Variants in LIMD1 observed in about 807,000 individuals in gnomAD.
LIMD1 encodes LIM domain containing 1, also known as LIM domain-containing protein 1.
In LIMD1, 23 loss-of-function variants were observed where a neutral mutation model predicts 58.4. That is an observed-to-expected ratio of 0.39 (90% CI 0.28 to 0.56). The LOEUF (loss-of-function observed/expected upper bound fraction) is 0.56, where lower values mean the gene tolerates loss of function less well. Ranked by LOEUF, LIMD1 falls within the 20% of genes least tolerant of loss-of-function variation. LIMD1 has a pLI of 0.57. For synonymous variants in LIMD1, 334 were observed against 345.5 expected (o/e 0.97, Z 0.37); for missense variants, 838 against 855.5 (o/e 0.98, Z 0.25).
intron 2 of LIMD1, among the ~76,000 whole-genome samples, chr3:45,658,535 C>CT (rs10572210): frequency 0.11 from 4,843 of 44,770 alleles, 1,319 homozygotes; most frequent in Non-Finnish European, 0.17. Context: ...CATGCAGATT[C>CT]TTTTTTTTTT....
intron 2 of LIMD1, among the ~76,000 whole-genome samples, chr3:45,644,617 G>A (rs1202934780): frequency 6.6e-6 from 1 of 152,208 alleles, no homozygotes; most frequent in Non-Finnish European, 1.5e-5. Context: ...GGCTTGGAGA[G>A]TTTAGTTTGT....
At chr3:45,673,549 TGAATA>T in intron 6 of LIMD1, 44 bp downstream of exon 6, 1 of 1,420,078 alleles carries the variant, frequency 7.0e-7, no homozygotes, top group Non-Finnish European at 1.0e-6. Context: ...TTCTAAGACA[TGAATA>T]TCTCCCTGGG....
intron 2 of LIMD1, among the ~76,000 whole-genome samples, chr3:45,657,284 A>G (rs1697349568): frequency 6.6e-6 from 1 of 152,170 alleles, no homozygotes; most frequent in South Asian, 2.1e-4. Context: ...CATCACAAGG[A>G]GTTTTTACGG....
chr3:45,627,626 T>G (rs1320991979), intron 1 of LIMD1, among the ~76,000 whole-genome samples: 1 of 151,126 alleles, frequency 6.6e-6, no homozygotes, highest in Non-Finnish European at 1.5e-5. Context: ...ACCCGTCTCT[T>G]TTTTATAAAA....
intron 4 of LIMD1, among the ~76,000 whole-genome samples, chr3:45,670,879 C>G (rs187566575): frequency 7.2e-5 from 11 of 152,290 alleles, no homozygotes; most frequent in African/African-American, 2.6e-4. Context: ...TGTAAATTGT[C>G]TCTCTATATA....
intron 2 of LIMD1, among the ~76,000 whole-genome samples, chr3:45,643,584 C>T (rs1701870034): frequency 6.6e-6 from 1 of 152,164 alleles, no homozygotes; most frequent in South Asian, 2.1e-4. Flanking sequence ...GTTCATTTCA[C>T]AGACTAAACA....
chr3:45,673,241 A>T (rs991228612), intron 5 of LIMD1, among the ~76,000 whole-genome samples: 2 of 152,080 alleles, frequency 1.3e-5, no homozygotes, highest in Non-Finnish European at 2.9e-5. Context: ...TCCCCAGAAG[A>T]GTGAGAGGCA....
chr3:45,604,950 G>C (rs775846877), intron 1 of LIMD1, among the ~76,000 whole-genome samples: 4 of 152,224 alleles, frequency 2.6e-5, no homozygotes, highest in Non-Finnish European at 4.4e-5. Flanking sequence ...ATTTTGACAT[G>C]ATCATTCTTG....
At chr3:45,676,114 C>T (rs900818840) in intron 7 of LIMD1, among the ~76,000 whole-genome samples, 6 of 151,998 alleles carry the variant, frequency 3.9e-5, no homozygotes, top group Admixed American at 2.6e-4. Flanking sequence ...TGTGTTGGCG[C>T]GTGCATAATC....
chr3:45,678,907 A>G lies in LIMD1; in HGVS notation c.*1848A>G, dbSNP rs1575370881. On this transcript the variant is annotated 3_prime_UTR_variant, in exon 8 of 8. Coordinates refer to ENST00000273317, the MANE Select transcript of LIMD1 (RefSeq NM_014240.3). ...CACTTCAGCCAGGGTGTGCATCATC[A>G]TTGGTTCTTTTTCACAGGCTGAGCC... The G allele has an allele frequency of 6.6e-6, 1 of 152,208 alleles. No homozygotes were observed. Among genetic ancestry groups the G allele is most frequent in the East Asian group, 1.9e-4 (1 of 5,196 alleles). 9.4% of individuals were successfully genotyped at this position (152,208 alleles called of 1,614,324 possible).
intron 2 of LIMD1, among the ~76,000 whole-genome samples, chr3:45,639,393 T>C (rs1033140928): frequency 2.6e-5 from 4 of 152,224 alleles, no homozygotes; most frequent in African/African-American, 9.7e-5. Flanking sequence ...TTAGTCTGTT[T>C]GGACTGTTAT....
chr3:45,624,586 G>A (rs924954733), intron 1 of LIMD1, among the ~76,000 whole-genome samples: 13 of 152,178 alleles, frequency 8.5e-5, no homozygotes, highest in Admixed American at 7.9e-4. Context: ...AGCCGGGTGT[G>A]GTGGCGGGCG....
At position 45,661,017 on chromosome 3, in the gene LIMD1, C is replaced by G. The variant is rs911066748; in HGVS notation, c.1511-4633C>G. ...TAGCAGAGTCAGAAAATACTGCGAA[C>G]GTTCAAGGATGGGGACCTTCTAGAA... is the stretch of plus-strand genomic sequence containing the variant. On this transcript the variant is annotated intron_variant, in intron 2 of 7. Coordinates refer to ENST00000273317, the MANE Select transcript of LIMD1 (RefSeq NM_014240.3). Among the ~76,000 whole-genome samples, 5 of 152,130 alleles carry G rather than the reference C, an allele frequency of 3.3e-5. 1 individual carries two copies. The South Asian group carries it at 6.2e-4, about 19-fold the overall frequency.
intron 2 of LIMD1, among the ~76,000 whole-genome samples, chr3:45,649,565 C>T (rs1701942673): frequency 6.6e-6 from 1 of 150,430 alleles, no homozygotes; most frequent in Admixed American, 6.6e-5. Context: ...CCTGTAGTCC[C>T]AGCTACTGGC....
intron 1 of LIMD1, among the ~76,000 whole-genome samples, chr3:45,604,912 C>T (rs1403244126): frequency 6.6e-6 from 1 of 152,190 alleles, no homozygotes; most frequent in Non-Finnish European, 1.5e-5. Flanking sequence ...CTGCTCTTTC[C>T]ATTAACAGTC....
At chr3:45,601,862 T>C (rs1294908690) in intron 1 of LIMD1, among the ~76,000 whole-genome samples, 1 of 152,034 alleles carries the variant, frequency 6.6e-6, no homozygotes, top group East Asian at 1.9e-4. Context: ...CCAGATTCAT[T>C]CTCCACCCAC....
intron 2 of LIMD1, 24 bp downstream of exon 2, chr3:45,636,275 G>C (rs748839147): frequency 4.6e-6 from 7 of 1,522,076 alleles, no homozygotes; most frequent in Middle Eastern, 1.7e-4. Context: ...TGGGTGTCGG[G>C]TGTGTGGGGG....
chr3:45,648,516 G>C (rs1404874913), intron 2 of LIMD1, among the ~76,000 whole-genome samples: 1 of 152,004 alleles, frequency 6.6e-6, no homozygotes, highest in Non-Finnish European at 1.5e-5. Context: ...TTTATTTTTG[G>C]CTATTATAAA....
chr3:45,680,546 G>C lies in LIMD1; in HGVS notation c.*3487G>C. On this transcript the variant is annotated 3_prime_UTR_variant, in exon 8 of 8. Transcript: ENST00000273317. ...GCCCAGGATGGTCTGGAACTCCTGG[G>C]CTCAAGTGATCTGCCCACTTCCGCC... The C allele has an allele frequency of 6.6e-6, 1 of 152,234 alleles. No individual in the cohort carries two copies. Among genetic ancestry groups the C allele is most frequent in the Non-Finnish European group, 1.5e-5 (1 of 68,048 alleles). 9.4% of individuals were successfully genotyped at this position (152,234 alleles called of 1,614,324 possible).
Sources: gnomAD v4.1 joint callset for allele counts (sites outside exome capture counted in the v4.1 genomes callset) on GRCh38, gnomAD v4.1.1 for gene constraint, MANE v1.5 for transcripts, NCBI Gene and HGNC (gene_info 2026-07-23, HGNC 2026-07-21) for gene names.